Variants in RCC2 observed in about 807,000 individuals in gnomAD.
The protein encoded by RCC2 is regulator of chromosome condensation 2.
Under a neutral mutation model 64.1 loss-of-function variants are expected in RCC2, and 19 were observed. The observed-to-expected ratio is 0.30, with a 90% CI of 0.21 to 0.44. The LOEUF (loss-of-function observed/expected upper bound fraction) is 0.44. Among genes scored for constraint, RCC2 ranks in the 20% least tolerant of loss-of-function variants. RCC2 has a pLI of 1.00. For missense variants in RCC2, 508 were observed against 710.4 expected, an observed-to-expected ratio of 0.72 and a Z score of 3.24; for synonymous variants, 325 against 279.6, an observed-to-expected ratio of 1.16 and a Z score of -1.62.
chr1:17,438,320 C>A lies in RCC2; in HGVS notation c.195G>T (p.Gly65=). The change falls in exon 2 of 13, where the codon GGG becomes GGT. Residue 65 remains glycine (G), a synonymous_variant. Coordinates refer to ENST00000375436, the MANE Select transcript of RCC2 (RefSeq NM_018715.4). The part of the protein sequence containing the change: ...DGLELDGAPG[G]GKRAARPATA... Reference sequence around the variant, plus strand: ...TCGCCGGCCGCGCCGCGCGCTTGCCCCCGCCGGGGGCCCCGTCGAGCTCCA... The same window carrying A: ...TCGCCGGCCGCGCCGCGCGCTTGCCACCGCCGGGGGCCCCGTCGAGCTCCA... The A allele has an allele frequency of 8.1e-7, 1 of 1,240,352 alleles. No individual in the cohort carries two copies. Among genetic ancestry groups the A allele is most frequent in the Non-Finnish European group, 1.0e-6 (1 of 986,274 alleles). 76.8% of individuals were successfully genotyped at this position (1,240,352 alleles called of 1,614,324 possible).
At chr1:17,427,239 C>T (rs2075626347) in intron 3 of RCC2, among the ~76,000 whole-genome samples, 1 of 152,178 alleles carries the variant, frequency 6.6e-6, no homozygotes, top group African/African-American at 2.4e-5. Context: ...GAAGTACGTT[C>T]CAGCCCCACC....
chr1:17,432,337 T>C (rs2075691030), intron 2 of RCC2, among the ~76,000 whole-genome samples: 1 of 152,182 alleles, frequency 6.6e-6, no homozygotes, highest in East Asian at 1.9e-4. Context: ...TTGAAGTCCC[T>C]GTGGAAGGAG....
intron 3 of RCC2, among the ~76,000 whole-genome samples, chr1:17,425,958 C>G (rs1274588249): frequency 6.6e-6 from 1 of 152,220 alleles, no homozygotes; most frequent in Non-Finnish European, 1.5e-5. Flanking sequence ...CCAGCCCCCT[C>G]TCTGGGTCCC....
chr1:17,410,675 C>T lies in RCC2; in HGVS notation c.1387-624G>A, dbSNP rs987755553. Among the ~76,000 whole-genome samples the T allele has an allele frequency of 5.3e-5, 8 of 152,102 alleles. No individual in the cohort carries two copies. In the East Asian group the frequency reaches 9.8e-4, roughly 19 times the overall value. ...AGGTGAAACAGAGGGTCCCACAGGG[C>T]GGGAGAGGAGGACCCTCCCTCCCCA... is the stretch of plus-strand genomic sequence containing the variant. On this transcript the variant is annotated intron_variant, in intron 11 of 12. Transcript: ENST00000375436.
chr1:17,419,877 G>A lies in RCC2; in HGVS notation c.859+837C>T, dbSNP rs1296148065. ...AACGCGAAATGTGAAATGTGCGTAAGGGGCTGTTCTCTCTTATTCACTTCT... is the reference window on the plus strand; with the variant it reads ...AACGCGAAATGTGAAATGTGCGTAAAGGGCTGTTCTCTCTTATTCACTTCT... On this transcript the variant is annotated intron_variant, in intron 7 of 12. Transcript: ENST00000375436. Among the ~76,000 whole-genome samples the A allele has an allele frequency of 2.0e-5, 3 of 152,234 alleles. No homozygotes were observed. In the South Asian group the frequency reaches 6.2e-4, roughly 31 times the overall value.
In RCC2 at chr1:17,438,536, C is replaced by G. The variant is rs752675417; in HGVS notation, c.-8-14G>C. 1.5e-5 allele frequency: 20 copies of G among 1,311,806 alleles called. No homozygotes were observed. Among genetic ancestry groups the G allele is most frequent in the Non-Finnish European group, 4.8e-6 (5 of 1,031,856 alleles). The allele number at this position is 1,311,806 out of a possible 1,614,324, so 81.3% of individuals were successfully genotyped here. ...GCATGGTCGCGGCTGGAGGGAGACA[C>G]GGGGCAGCGGCGCACAATGGACGGG... On this transcript the variant is annotated splice_polypyrimidine_tract_variant and intron_variant, in intron 1 of 12. Coordinates refer to ENST00000375436, the MANE Select transcript of RCC2 (RefSeq NM_018715.4).
At chr1:17,430,156 A>G (rs1161134690) in intron 2 of RCC2, among the ~76,000 whole-genome samples, 1 of 152,214 alleles carries the variant, frequency 6.6e-6, no homozygotes, top group Non-Finnish European at 1.5e-5. Context: ...GCTCTTACAC[A>G]TCTTTCCTGG....
At chr1:17,434,243 G>A (rs1234285531) in intron 2 of RCC2, among the ~76,000 whole-genome samples, 1 of 152,206 alleles carries the variant, frequency 6.6e-6, no homozygotes, top group Non-Finnish European at 1.5e-5. Flanking sequence ...GGCAGCTTCC[G>A]GATGGGGCAG....
intron 1 of RCC2, 32 bp from the exon 2 acceptor site, chr1:17,438,554 T>A (rs780570780): frequency 1.5e-6 from 2 of 1,299,234 alleles, no homozygotes; most frequent in South Asian, 2.8e-5. Context: ...CGGCGCACAA[T>A]GGACGGGTTA....
intron 3 of RCC2, among the ~76,000 whole-genome samples, chr1:17,426,737 G>A (rs187094173): frequency 4.0e-4 from 60 of 151,006 alleles, no homozygotes; most frequent in Admixed American, 3.1e-3. Flanking sequence ...AGAGGATGGG[G>A]CAGGGCCAAT....
intron 2 of RCC2, among the ~76,000 whole-genome samples, chr1:17,431,351 AAAAAAAAAATAT>A (rs2075675158): frequency 2.0e-5 from 1 of 50,546 alleles, no homozygotes; most frequent in Non-Finnish European, 4.0e-5. Context: ...AAAAAAAAAA[AAAAAAAAAATAT>A]ATATATATAT....
chr1:17,426,759 CTTT>C (rs146347066), intron 3 of RCC2, among the ~76,000 whole-genome samples: 10,075 of 106,878 alleles, frequency 0.094, 218 homozygotes, highest in Middle Eastern at 0.12. Flanking sequence ...TCTTACTTTT[CTTT>C]TTTTTTTTTT....
intron 2 of RCC2, 75 bp from the exon 3 acceptor site, chr1:17,429,274 G>T: frequency 8.6e-7 from 1 of 1,161,284 alleles, no homozygotes; most frequent in Non-Finnish European, 1.3e-6. Context: ...TCCAATGACA[G>T]CACGAAACGA....
Position 17,409,212 on chromosome 1 carries a change from C to T in RCC2, c.1465-18G>A, listed in dbSNP as rs1457582100. The T allele has an allele frequency of 1.9e-6, 3 of 1,551,138 alleles. No homozygotes were observed. Among genetic ancestry groups the T allele is most frequent in the Middle Eastern group, 1.7e-4 (1 of 5,938 alleles). On this transcript the variant is annotated intron_variant, in intron 12 of 12. Coordinates refer to ENST00000375436, the MANE Select transcript of RCC2 (RefSeq NM_018715.4). The stretch of plus-strand genomic sequence containing the variant: ...ATGGCGACCTGGGGGGACAAATCAG[C>T]GTTGGGTGTGCCTGAGGCGCCTGGA...
chr1:17,412,945 T>C lies in RCC2; in HGVS notation c.1313+128A>G, dbSNP rs1465361853. The C allele has an allele frequency of 1.6e-5, 11 of 667,894 alleles. No homozygotes were observed. The East Asian group carries it at 2.4e-4, about 15-fold the overall frequency. 41.4% of individuals were successfully genotyped at this position (667,894 alleles called of 1,614,324 possible). A position where few individuals can be genotyped will look rare whatever the true frequency, so the allele number is the denominator to read the frequency against. Reference sequence around the variant, plus strand: ...GGACTCTGGGATTCAGTGTGTCAGATGGCCTGCTGAGGACAGCCCAACAGG... The same window carrying C: ...GGACTCTGGGATTCAGTGTGTCAGACGGCCTGCTGAGGACAGCCCAACAGG... On this transcript the variant is annotated intron_variant, in intron 10 of 12. Coordinates refer to ENST00000375436, the MANE Select transcript of RCC2 (RefSeq NM_018715.4).
At chr1:17,438,693 C>T (rs573951416) in intron 1 of RCC2, 171 bp from the exon 2 acceptor site, 34 of 573,700 alleles carry the variant, frequency 5.9e-5, no homozygotes, top group South Asian at 9.2e-5. Context: ...CGCGCCCCTC[C>T]CTGGCCCCGG....
intron 6 of RCC2, among the ~76,000 whole-genome samples, chr1:17,421,987 T>C (rs1369074591): frequency 2.0e-5 from 3 of 151,870 alleles, no homozygotes. Context: ...ATTGCGCCAT[T>C]GCACTCCAGC....
rs778760979 is a variant in RCC2, at chr1:17,416,518, C to T, written c.988G>A (p.Val330Met). Residue 330 changes from valine (V) to methionine (M), a missense_variant, in exon 8 of 13, where the codon GTG (valine) becomes ATG (methionine). Transcript: ENST00000375436. The stretch of plus-strand genomic sequence containing the variant: ...CCACAGGCCACGTCTCGTACAACCA[C>T]GTTTGGTACAGGCAGAATCTGTCCA... ...KDGQILPVPN[V>M]VVRDVACGAN... The T allele has an allele frequency of 4.3e-6, 7 of 1,613,702 alleles. No individual in the cohort carries two copies. The highest frequency in any genetic ancestry group is 5.1e-6 in the Non-Finnish European group (6 of 1,179,974).
rs2075607275 is a variant in RCC2 at position 17,425,650 on chromosome 1, C to T, written c.414G>A (p.Gly138=). ...AYRNLGQNLW[G]PHRYGCLAGV... is the part of the protein sequence containing the mutation. The stretch of plus-strand genomic sequence containing the variant: ...CCGCCAGGCACCCATATCTGTGGGG[C>T]CCCCACAAATTCTGACCGAGATTGC... The change falls in exon 4 of 13, where the codon GGG becomes GGA. Residue 138 remains glycine (G), a synonymous_variant. Coordinates refer to ENST00000375436, the MANE Select transcript of RCC2 (RefSeq NM_018715.4). 1 of 1,613,274 alleles carries T rather than the reference C, an allele frequency of 6.2e-7. No homozygotes were observed. Among genetic ancestry groups the T allele is most frequent in the African/African-American group, 1.3e-5 (1 of 74,922 alleles).
Sources: allele counts gnomAD v4.1 joint callset (sites outside exome capture counted in the v4.1 genomes callset), GRCh38; gene constraint gnomAD v4.1.1; transcripts MANE v1.5; gene names NCBI Gene and HGNC (gene_info 2026-07-23, HGNC 2026-07-21).